SIK3: variants seen among roughly 807,000 people sequenced by gnomAD.
The protein encoded by SIK3 is serine/threonine-protein kinase SIK3.
In SIK3, 28 loss-of-function variants were observed where a neutral mutation model predicts 144.2. That is an observed-to-expected ratio of 0.19 (90% CI 0.14 to 0.27). The LOEUF (loss-of-function observed/expected upper bound fraction) is 0.27, where lower values mean the gene tolerates loss of function less well. SIK3 is among the 10% of genes least tolerant of loss of function. SIK3 has a pLI of 1.00. For missense variants in SIK3, 1,319 were observed against 1,776.0 expected, an observed-to-expected ratio of 0.74 and a Z score of 4.62; for synonymous variants, 686 against 676.3, an observed-to-expected ratio of 1.01 and a Z score of -0.22.
At chr11:117,035,830 T>C in intron 1 of SIK3, 24 of 1,556,782 alleles carry the variant, frequency 1.5e-5, no homozygotes, top group Non-Finnish European at 2.1e-5. Flanking sequence ...AACATCCTTC[T>C]GTAAGCCTTG....
chr11:116,881,044 A>C (rs1184756877), intron 6 of SIK3, among the ~76,000 whole-genome samples: 1 of 152,194 alleles, frequency 6.6e-6, no homozygotes, highest in Non-Finnish European at 1.5e-5. Flanking sequence ...GAATGGCGTG[A>C]ACCTGGGAGG....
chr11:116,892,457 T>C (rs573850262), intron 6 of SIK3, among the ~76,000 whole-genome samples: 5 of 152,208 alleles, frequency 3.3e-5, no homozygotes, highest in Admixed American at 3.3e-4. Context: ...CAAATAAGCA[T>C]AAGAAAAGAT....
chr11:116,899,024 T>G (rs1945592649), intron 4 of SIK3, among the ~76,000 whole-genome samples: 1 of 151,092 alleles, frequency 6.6e-6, no homozygotes, highest in Admixed American at 6.6e-5. Context: ...GCTTTTGGTG[T>G]TTTAGACATG....
chr11:116,870,062 G>A, intron 14 of SIK3: 7 of 1,387,894 alleles, frequency 5.0e-6, no homozygotes, highest in African/African-American at 2.9e-5. Flanking sequence ...TGAAGGCAGG[G>A]GACAAGGAAG....
At chr11:116,941,417 A>C (rs985858035) in intron 3 of SIK3, among the ~76,000 whole-genome samples, 25 of 151,728 alleles carry the variant, frequency 1.6e-4, no homozygotes, top group African/African-American at 6.0e-4. Context: ...GTAAAAAAAA[A>C]AAAAAAGCCA....
At chr11:117,093,337 C>G (rs776231304) in intron 1 of SIK3, among the ~76,000 whole-genome samples, 2 of 152,172 alleles carry the variant, frequency 1.3e-5, no homozygotes, top group African/African-American at 4.8e-5. Context: ...CTAAACCACA[C>G]CGATGTGTCT....
intron 1 of SIK3, among the ~76,000 whole-genome samples, chr11:117,000,787 C>T (rs1181559482): frequency 2.0e-5 from 3 of 152,194 alleles, no homozygotes; most frequent in Non-Finnish European, 4.4e-5. Flanking sequence ...CTTCCTGATG[C>T]CAGCATCGCT....
At chr11:117,093,811 T>A (rs1015337634) in intron 1 of SIK3, among the ~76,000 whole-genome samples, 7 of 152,152 alleles carry the variant, frequency 4.6e-5, no homozygotes, top group Admixed American at 1.3e-4. Context: ...ACTTTTTTTT[T>A]ACCAGGAAAG....
chr11:116,918,953 C>T (rs941548759), intron 4 of SIK3, among the ~76,000 whole-genome samples: 1 of 152,098 alleles, frequency 6.6e-6, no homozygotes, highest in Non-Finnish European at 1.5e-5. Flanking sequence ...CATTTCAGGG[C>T]AAGAACACAG....
At chr11:117,039,772 A>G (rs1952662377) in intron 1 of SIK3, among the ~76,000 whole-genome samples, 1 of 152,204 alleles carries the variant, frequency 6.6e-6, no homozygotes, top group Non-Finnish European at 1.5e-5. Flanking sequence ...CATAGACACT[A>G]AAGAAGTAGT....
intron 1 of SIK3, among the ~76,000 whole-genome samples, chr11:116,961,924 T>C (rs1164112357): frequency 1.3e-5 from 2 of 152,224 alleles, no homozygotes; most frequent in Non-Finnish European, 2.9e-5. Context: ...TTTAAAGTCA[T>C]AGTTCTTTAT....
chr11:117,040,044 C>G (rs1565584828), intron 1 of SIK3, among the ~76,000 whole-genome samples: 2 of 152,182 alleles, frequency 1.3e-5, no homozygotes, highest in East Asian at 3.8e-4. Context: ...TTCTTAGTCA[C>G]TGAAAACATT....
intron 6 of SIK3, among the ~76,000 whole-genome samples, chr11:116,880,088 A>C (rs1423826374): frequency 6.6e-6 from 1 of 152,224 alleles, no homozygotes; most frequent in Admixed American, 6.5e-5. Flanking sequence ...AATGGTGTTC[A>C]GTTACAGGCT....
chr11:116,947,675 C>T (rs888715423), intron 3 of SIK3, among the ~76,000 whole-genome samples: 1 of 151,178 alleles, frequency 6.6e-6, no homozygotes, highest in African/African-American at 2.4e-5. Flanking sequence ...ACGCCATTCT[C>T]CTGCCTCAGC....
At position 116,873,536 on chromosome 11, in the gene SIK3, G is replaced by A. The variant is rs1944074187; in HGVS notation, c.1682C>T (p.Ala561Val). The change falls in exon 13 of 25, where the codon GCC becomes GTC. Residue 561 changes from alanine (A) to valine (V), a missense_variant. Ala to Val is a moderately conservative substitution (Grantham distance 64). Transcript: ENST00000445177. ...SDGGANIQLHAQQLLKRPRGP... is the reference protein window; with the variant it reads ...SDGGANIQLHVQQLLKRPRGP... ...CCGTGGGCGCTTCAGCAGCTGCTGGGCATGCAGTTGGATGTTGGCTCCTCC... is the reference window on the plus strand; with the variant it reads ...CCGTGGGCGCTTCAGCAGCTGCTGGACATGCAGTTGGATGTTGGCTCCTCC... 4.3e-6 allele frequency: 7 copies of A among 1,613,328 alleles called. No homozygotes were observed. The highest frequency in any genetic ancestry group is 1.3e-5 in the African/African-American group (1 of 74,980).
intron 1 of SIK3, among the ~76,000 whole-genome samples, chr11:116,972,714 A>C (rs1949805670): frequency 6.6e-6 from 1 of 152,162 alleles, no homozygotes; most frequent in African/African-American, 2.4e-5. Context: ...GTACCCTCAA[A>C]AAAAATTAAA....
chr11:116,882,375 C>A (rs1193600636), intron 6 of SIK3, among the ~76,000 whole-genome samples: 5 of 152,064 alleles, frequency 3.3e-5, no homozygotes, highest in African/African-American at 1.2e-4. Context: ...CAGAAGGCTT[C>A]CCGAATCAAG....
intron 4 of SIK3, among the ~76,000 whole-genome samples, chr11:116,910,254 A>C (rs966359132): frequency 6.6e-6 from 1 of 152,122 alleles, no homozygotes; most frequent in Non-Finnish European, 1.5e-5. Flanking sequence ...ACTAAAAAAA[A>C]TTAGGTTTTC....
At chr11:116,878,012 A>G (rs1944345003) in intron 6 of SIK3, among the ~76,000 whole-genome samples, 1 of 152,334 alleles carries the variant, frequency 6.6e-6, no homozygotes, top group South Asian at 2.1e-4. Flanking sequence ...TCACATGGCT[A>G]TTAAGTCAAA....
Sources: gnomAD v4.1 joint callset for allele counts (sites outside exome capture counted in the v4.1 genomes callset) on GRCh38, gnomAD v4.1.1 for gene constraint, MANE v1.5 for transcripts, NCBI Gene and HGNC (gene_info 2026-07-23, HGNC 2026-07-21) for gene names.